SPECC1: variants seen among roughly 807,000 people sequenced by gnomAD.
The protein encoded by SPECC1 is sperm antigen with calponin homology and coiled-coil domains 1.
In SPECC1, 62 loss-of-function variants were observed where a neutral mutation model predicts 104.1. The ratio of observed to expected loss-of-function variants is 0.60; its 90% CI spans 0.49 to 0.74. SPECC1 has a LOEUF of 0.74. Ranked by LOEUF, SPECC1 falls within the 30% of genes least tolerant of loss-of-function variation. The pLI is 0.00. For synonymous variants in SPECC1, 513 were observed against 501.6 expected, an observed-to-expected ratio of 1.02 and a Z score of -0.30; for missense variants, 1,306 against 1,310.5, an observed-to-expected ratio of 1.00 and a Z score of 0.05.
chr17:20,109,085 T>C (rs1278203584), intron 2 of SPECC1, among the ~76,000 whole-genome samples: 3 of 152,224 alleles, frequency 2.0e-5, no homozygotes, highest in Non-Finnish European at 4.4e-5. Context: ...TTGGTATTGG[T>C]GTTTATTCAC....
At chr17:20,250,779 C>T (rs987244047) in intron 9 of SPECC1, among the ~76,000 whole-genome samples, 3 of 152,158 alleles carry the variant, frequency 2.0e-5, no homozygotes, top group African/African-American at 2.4e-5. Context: ...GTCTTTCTCA[C>T]GAACCTCTTT....
At chr17:20,227,677 G>A (rs1389579190) in intron 5 of SPECC1, 57 bp downstream of exon 5, 13 of 1,514,564 alleles carry the variant, frequency 8.6e-6, no homozygotes, top group African/African-American at 1.4e-5. Flanking sequence ...CACTTTGGGA[G>A]GCTGAGGCAG....
At chr17:20,286,064 G>T (rs1411621291) in intron 12 of SPECC1, among the ~76,000 whole-genome samples, 2 of 151,956 alleles carry the variant, frequency 1.3e-5, no homozygotes, top group African/African-American at 4.8e-5. Flanking sequence ...CTCCTGCCTC[G>T]GCCTCCCAAA....
At chr17:20,014,489 G>A (rs1314305203) in intron 1 of SPECC1, among the ~76,000 whole-genome samples, 4 of 151,894 alleles carry the variant, frequency 2.6e-5, no homozygotes, top group Non-Finnish European at 4.4e-5. Flanking sequence ...TTGTTTTCAG[G>A]GATTCTGTGA....
At chr17:20,213,170 T>G (rs2037268441) in intron 4 of SPECC1, among the ~76,000 whole-genome samples, 1 of 152,090 alleles carries the variant, frequency 6.6e-6, no homozygotes, top group Admixed American at 6.5e-5. Context: ...CGATCATAGC[T>G]CTCTGCAGTC....
chr17:20,157,864 A>G (rs977401968), intron 3 of SPECC1, among the ~76,000 whole-genome samples: 2 of 152,210 alleles, frequency 1.3e-5, no homozygotes, highest in African/African-American at 4.8e-5. Context: ...GTGTCTCACT[A>G]TGTTGCCCAG....
chr17:20,027,269 C>T (rs2044634567), intron 1 of SPECC1, among the ~76,000 whole-genome samples: 1 of 152,098 alleles, frequency 6.6e-6, no homozygotes, highest in Admixed American at 6.6e-5. Flanking sequence ...ATATAAAAAC[C>T]AGATTATTTG....
At chr17:20,065,148 A>G (rs1426716893) in intron 1 of SPECC1, among the ~76,000 whole-genome samples, 1 of 152,206 alleles carries the variant, frequency 6.6e-6, no homozygotes, top group African/African-American at 2.4e-5. Flanking sequence ...CTCTCACACC[A>G]CAACAACAGT....
chr17:20,071,075 C>T (rs1400727474), intron 1 of SPECC1, among the ~76,000 whole-genome samples: 7 of 151,998 alleles, frequency 4.6e-5, no homozygotes, highest in South Asian at 2.1e-4. Flanking sequence ...GGCTGGAGTT[C>T]GGTGGCTATT....
intron 3 of SPECC1, among the ~76,000 whole-genome samples, chr17:20,202,593 C>T (rs2036505006): frequency 6.6e-6 from 1 of 152,118 alleles, no homozygotes; most frequent in South Asian, 2.1e-4. Flanking sequence ...TTTCCTCTTC[C>T]TTATGGTTTT....
chr17:20,051,271 G>C (rs562203110), intron 1 of SPECC1, among the ~76,000 whole-genome samples: 1 of 151,682 alleles, frequency 6.6e-6, no homozygotes, highest in Non-Finnish European at 1.5e-5. Flanking sequence ...TGCCTCCTGG[G>C]TTCAAGCAAT....
rs1415001791 is a variant in SPECC1, at chr17:20,243,931, A to T, written c.2352-1995A>T. Among the ~76,000 whole-genome samples, 6 of 152,174 alleles carry T rather than the reference A, an allele frequency of 3.9e-5. No homozygotes were observed. The East Asian group carries it at 1.2e-3, about 29-fold the overall frequency. ...GAGTCATTTAAATGGACTGGTAAGA[A>T]GGTGGCCAGGCGCAGTGGCTCATGC... On this transcript the variant is annotated intron_variant, in intron 7 of 14. Transcript: ENST00000395527.
chr17:20,119,471 A>C (rs190572322), intron 3 of SPECC1, among the ~76,000 whole-genome samples: 164 of 152,356 alleles, frequency 1.1e-3, no homozygotes, highest in Middle Eastern at 6.8e-3. Flanking sequence ...ACCTCAGGTG[A>C]TCCACCTGCC....
At chr17:20,164,528 G>C (rs566279053) in intron 3 of SPECC1, among the ~76,000 whole-genome samples, 8 of 152,190 alleles carry the variant, frequency 5.3e-5, no homozygotes, top group Admixed American at 5.2e-4. Flanking sequence ...CTCTGACAGG[G>C]ACAAGGTTGG....
At chr17:20,017,238 A>G (rs2044175132) in intron 1 of SPECC1, 2 of 152,236 alleles carry the variant, frequency 1.3e-5, no homozygotes, top group African/African-American at 2.4e-5. Flanking sequence ...TTGGGTCTGC[A>G]CTGTCTATAT....
chr17:20,212,893 T>A (rs1250777680), intron 4 of SPECC1, among the ~76,000 whole-genome samples: 1 of 152,210 alleles, frequency 6.6e-6, no homozygotes, highest in Non-Finnish European at 1.5e-5. Context: ...CAGCAACTAA[T>A]ATTTTGGGCT....
At chr17:20,125,083 G>A (rs1268774731) in intron 3 of SPECC1, among the ~76,000 whole-genome samples, 9 of 152,316 alleles carry the variant, frequency 5.9e-5, no homozygotes, top group East Asian at 1.9e-4. Context: ...GGGAGGCTGA[G>A]GCAGGAGAAT....
intron 1 of SPECC1, among the ~76,000 whole-genome samples, chr17:20,012,520 A>ATT (rs150928413): frequency 1.4e-5 from 2 of 147,648 alleles, no homozygotes; most frequent in African/African-American, 4.9e-5. Context: ...ATCTTATTTA[A>ATT]TTTTTTTTTT....
intron 3 of SPECC1, chr17:20,155,816 AGCCGGTGCGTCCC>A: frequency 1.5e-6 from 1 of 667,158 alleles, no homozygotes. Context: ...GCAGCCGGTC[AGCCGGTGCGTCCC>A]GCCCACGGCG....
Sources: gnomAD v4.1 joint callset for allele counts (sites outside exome capture counted in the v4.1 genomes callset) on GRCh38, gnomAD v4.1.1 for gene constraint, MANE v1.5 for transcripts, NCBI Gene and HGNC (gene_info 2026-07-23, HGNC 2026-07-21) for gene names.